Variants in STRA6 observed in about 807,000 individuals in gnomAD.
STRA6 encodes signaling receptor and transporter of retinol STRA6.
Under a neutral mutation model 83.6 loss-of-function variants are expected in STRA6, and 48 were observed. That is an observed-to-expected ratio of 0.57 (90% CI 0.46 to 0.73). STRA6 has a LOEUF of 0.73. STRA6 is among the 30% of genes least tolerant of loss of function. The probability of loss-of-function intolerance (pLI) is 0.00; values close to 1 mark genes in which losing one functional copy is unlikely to be tolerated. For synonymous variants in STRA6, 353 were observed against 362.3 expected, an observed-to-expected ratio of 0.97 and a Z score of 0.29; for missense variants, 760 against 838.8, an observed-to-expected ratio of 0.91 and a Z score of 1.16.
upstream of STRA6, chr15:74,202,898 G>GC (rs1341460433): frequency 9.1e-6 from 9 of 993,504 alleles, no homozygotes; most frequent in Non-Finnish European, 1.1e-5. Flanking sequence ...CCTTGACAAA[G>GC]CCCCCCTCCT....
Position 74,191,488 on chromosome 15 carries a change from GC to G in STRA6, c.723del (p.Leu242CysfsTer10). On this transcript the variant is annotated frameshift_variant and splice_region_variant, in exon 9 of 19. Coordinates refer to ENST00000395105, the MANE Select transcript of STRA6 (RefSeq NM_022369.4). LOFTEE classifies it high-confidence loss of function. ...FSRRTGAGSK[G>X]LQSSYSEEYL... ...TATTCCTCAGAGTAGCTGCTCTGCAGCCCCTGTGGAGACAGACAATTGAACA... is the reference window on the plus strand; with the variant it reads ...TATTCCTCAGAGTAGCTGCTCTGCAGCCCTGTGGAGACAGACAATTGAACA... The G allele has an allele frequency of 1.2e-6, 2 of 1,614,064 alleles. No individual in the cohort carries two copies. Among genetic ancestry groups the G allele is most frequent in the Non-Finnish European group, 8.5e-7 (1 of 1,179,914 alleles).
chr15:74,202,915 G>C, upstream of STRA6: 1 of 989,780 alleles, frequency 1.0e-6, no homozygotes, highest in Non-Finnish European at 1.2e-6. Flanking sequence ...TCCTGGGGGA[G>C]GAGGCCCCAG....
At chr15:74,203,089 C>T, upstream of STRA6, 1 of 985,602 alleles carries the variant, frequency 1.0e-6, no homozygotes, top group Non-Finnish European at 1.2e-6. Flanking sequence ...AGCATTACAG[C>T]AACAACCGAG....
At chr15:74,194,545 G>T (rs575934332) in intron 7 of STRA6, 47 of 430,046 alleles carry the variant, frequency 1.1e-4, no homozygotes, top group African/African-American at 9.5e-4. Context: ...TGGAGAAACG[G>T]TCTCAGAAAG....
Position 74,202,175 on chromosome 15 carries a change from G to GC in STRA6, c.92dup (p.Glu32ArgfsTer48). 7 of 1,504,776 alleles carry GC rather than the reference G, an allele frequency of 4.7e-6. No individual in the cohort carries two copies. The highest frequency in any genetic ancestry group is 6.2e-6 in the Non-Finnish European group (7 of 1,129,092). 93.2% of individuals were successfully genotyped at this position (1,504,776 alleles called of 1,614,324 possible). Reference sequence around the variant, plus strand: ...CTTACCCCTCTGGCTGGAGCTCCTCGCCCCCCTGGGGCTCATCGATGTACC... The same window carrying GC: ...CTTACCCCTCTGGCTGGAGCTCCTCGCCCCCCCTGGGGCTCATCGATGTACC... On this transcript the variant is annotated frameshift_variant, in exon 2 of 19. Transcript: ENST00000395105. LOFTEE classifies it high-confidence loss of function.
At position 74,188,747 on chromosome 15, in the gene STRA6, G is replaced by A. The variant is rs898241471; in HGVS notation, c.1090+368C>T. ...CGCCAGACCCCTGCCACGAGGATTC[G>A]CTCAGAAATCCTCACCATCTCCCTT... On this transcript the variant is annotated intron_variant, in intron 12 of 18. Transcript: ENST00000395105. This position sits in a 1 kb window ranked among gnomAD's most constrained non-coding sequence, Gnocchi z 4.5. Among the ~76,000 whole-genome samples the A allele has an allele frequency of 6.6e-6, 1 of 152,140 alleles. No homozygotes were observed.
In STRA6 at chr15:74,191,461, G is replaced by A; in HGVS notation, c.751C>T (p.Leu251=). ...GLQSSYSEEY[L]RNLLCRKKLG... is the part of the protein sequence containing the mutation. ...TTCTTCCTGCAAAGGAGGTTCCTCA[G>A]ATATTCCTCAGAGTAGCTGCTCTGC... is the stretch of plus-strand genomic sequence containing the variant. Residue 251 remains leucine, a synonymous_variant, in exon 9 of 19, where the codon CTG becomes TTG. Coordinates refer to ENST00000395105, the MANE Select transcript of STRA6 (RefSeq NM_022369.4). The A allele has an allele frequency of 6.2e-7, 1 of 1,614,200 alleles. No homozygotes were observed. The highest frequency in any genetic ancestry group is 1.3e-5 in the African/African-American group (1 of 75,050).
intron 1 of STRA6, 115 bp downstream of exon 1, chr15:74,202,598 C>T: frequency 6.9e-7 from 1 of 1,458,258 alleles, no homozygotes; most frequent in Non-Finnish European, 9.0e-7. Flanking sequence ...CAACCACCAG[C>T]AGGCGTGTGT....
In STRA6 at chr15:74,200,174, C is replaced by T. The variant is rs548854047; in HGVS notation, c.113+1981G>A. On this transcript the variant is annotated intron_variant, in intron 2 of 18. Coordinates refer to ENST00000395105, the MANE Select transcript of STRA6 (RefSeq NM_022369.4). ...AGCGGAGGTTGCAGTGAGCCAAGAT[C>T]GCACCACTGCACTCCAACCCGGGCA... Among the ~76,000 whole-genome samples, 9 of 152,272 alleles carry T rather than the reference C, an allele frequency of 5.9e-5. No homozygotes were observed. In the South Asian group the frequency reaches 1.5e-3, roughly 25 times the overall value.
chr15:74,191,052 T>C (rs890731035), intron 10 of STRA6, 115 bp downstream of exon 10: 2 of 1,566,508 alleles, frequency 1.3e-6, no homozygotes, highest in Admixed American at 1.9e-5. Context: ...CTGGTAGTTG[T>C]CCCTCTTGAT....
chr15:74,198,098 A>T (rs1595858013), intron 2 of STRA6, among the ~76,000 whole-genome samples: 1 of 148,606 alleles, frequency 6.7e-6, no homozygotes, highest in Non-Finnish European at 1.5e-5. Context: ...CGGCCTGATC[A>T]CTTATTCTCT....
chr15:74,205,124 C>T (rs138709707), upstream of STRA6, among the ~76,000 whole-genome samples: 51 of 152,070 alleles, frequency 3.4e-4, no homozygotes, highest in African/African-American at 9.6e-4. Context: ...AGAAGAGAGA[C>T]GGGAGTTGGC....
At chr15:74,204,252 G>A (rs768261119), upstream of STRA6, among the ~76,000 whole-genome samples, 3 of 152,218 alleles carry the variant, frequency 2.0e-5, no homozygotes, top group Non-Finnish European at 4.4e-5. Context: ...GTGAGCTCCC[G>A]GAGGGCGGGA....
In STRA6 at chr15:74,191,015, A is replaced by G. The variant is rs747912209; in HGVS notation, c.866-114T>C. 5.1e-6 allele frequency: 8 copies of G among 1,575,494 alleles called. No individual in the cohort carries two copies. In the African/African-American group the frequency reaches 9.5e-5, roughly 19 times the overall value. On this transcript the variant is annotated intron_variant, in intron 10 of 18. Coordinates refer to ENST00000395105, the MANE Select transcript of STRA6 (RefSeq NM_022369.4). ...AGCAGGACCCTAAATGACCAAGGCC[A>G]GGCCAGGGTCTTCCCGCTGTCCCAA...
chr15:74,210,600 A>G (rs941146445), upstream of STRA6, among the ~76,000 whole-genome samples: 1 of 152,222 alleles, frequency 6.6e-6, no homozygotes, highest in Admixed American at 6.5e-5. Context: ...AGGATTTTTC[A>G]CTTGTTTGAA....
At position 74,181,358 on chromosome 15, in the gene STRA6, C is replaced by T. The variant is rs375362287; in HGVS notation, c.1621G>A (p.Ala541Thr). 5.6e-6 allele frequency: 9 copies of T among 1,613,384 alleles called. No individual in the cohort carries two copies. The highest frequency in any genetic ancestry group is 2.7e-5 in the African/African-American group (2 of 74,792). Residue 541 changes from alanine (A) to threonine (T), a missense_variant, in exon 17 of 19, where the codon GCC becomes ACC. Coordinates refer to ENST00000395105, the MANE Select transcript of STRA6 (RefSeq NM_022369.4). The part of the protein sequence containing the change: ...WRVLLSALYN[A>T]IHLGQMDLSL... ...AGGTCCATCTGGCCAAGGTGGATGG[C>T]GTTGTAGAGGGCAGAGAGGAGCACT...
chr15:74,189,256 C>T lies in STRA6; in HGVS notation c.949G>A (p.Gly317Ser), dbSNP rs986647752. Residue 317 changes from glycine (G) to serine (S), a missense_variant, in exon 12 of 19, where the codon GGC becomes AGC. Transcript: ENST00000395105. ...IYQVALLLLVGVVPTIQKVRA... is the reference protein window; with the variant it reads ...IYQVALLLLVSVVPTIQKVRA... ...ACCTTCTGGATAGTGGGTACCACGCCCACCAGCAGCAGCAGGGCCACCTGG... is the reference window on the plus strand; with the variant it reads ...ACCTTCTGGATAGTGGGTACCACGCTCACCAGCAGCAGCAGGGCCACCTGG... The T allele has an allele frequency of 1.2e-6, 2 of 1,602,696 alleles. No individual in the cohort carries two copies. The highest frequency in any genetic ancestry group is 1.7e-6 in the Non-Finnish European group (2 of 1,174,900).
At chr15:74,205,272 G>A (rs1365917468), upstream of STRA6, among the ~76,000 whole-genome samples, 1 of 152,176 alleles carries the variant, frequency 6.6e-6, no homozygotes, top group African/African-American at 2.4e-5. Context: ...CTGACTCTGG[G>A]TAACTTAGAA....
intron 11 of STRA6, among the ~76,000 whole-genome samples, chr15:74,189,951 C>T (rs2073452058): frequency 1.3e-5 from 2 of 152,276 alleles, no homozygotes; most frequent in South Asian, 4.1e-4. Context: ...TGTGAGCCAC[C>T]ACACCCAGAC....
Sources: allele counts gnomAD v4.1 joint callset (sites outside exome capture counted in the v4.1 genomes callset), GRCh38; gene constraint gnomAD v4.1.1; non-coding constraint Gnocchi (gnomAD v3.1); transcripts MANE v1.5; gene names NCBI Gene and HGNC (gene_info 2026-07-23, HGNC 2026-07-21).